The following DNAJC6 variants were observed in gnomAD, a reference collection of about 807,000 sequenced individuals.
The protein encoded by DNAJC6 is DnaJ heat shock protein family (Hsp40) member C6.
In DNAJC6, 34 loss-of-function variants were observed where a neutral mutation model predicts 110.0. The observed-to-expected ratio is 0.31, with a 90% CI of 0.24 to 0.41. The LOEUF is 0.41. DNAJC6 is among the 10% of genes least tolerant of loss of function. DNAJC6 has a pLI of 1.00. For missense variants in DNAJC6, 1,031 were observed against 1,207.8 expected (o/e 0.85, Z 2.17); for synonymous variants, 406 against 437.2 (o/e 0.93, Z 0.89).
chr1:65,366,162 C>T lies in DNAJC6; in HGVS notation c.509C>T (p.Pro170Leu), dbSNP rs1379690707. The change falls in exon 4 of 19, where the codon CCT (proline) becomes CTT (leucine). Residue 170 changes from proline to leucine, a missense_variant. Coordinates refer to ENST00000371069, the MANE Select transcript of DNAJC6 (RefSeq NM_001256864.2). ...LDHYTVYNLS[P>L]KSYRTAKFHS... ...CACTACACAGTATACAATCTGTCAC[C>T]TAAGTCTTATCGAACTGCCAAGTTT... is the stretch of plus-strand genomic sequence containing the variant. The T allele has an allele frequency of 6.2e-7, 1 of 1,613,680 alleles. No homozygotes were observed. Among genetic ancestry groups the T allele is most frequent in the African/African-American group, 1.3e-5 (1 of 75,010 alleles).
intron 1 of DNAJC6, among the ~76,000 whole-genome samples, chr1:65,314,360 GT>G (rs1645129174): frequency 6.6e-6 from 1 of 152,130 alleles, no homozygotes; most frequent in East Asian, 1.9e-4. Context: ...TGAGATACGT[GT>G]TTGGATAATT....
chr1:65,267,869 G>A (rs1437157371), intron 1 of DNAJC6, among the ~76,000 whole-genome samples: 1 of 129,914 alleles, frequency 7.7e-6, no homozygotes, highest in Non-Finnish European at 1.6e-5. Context: ...GACCAGATAA[G>A]TGTATGGTGT....
intron 1 of DNAJC6, among the ~76,000 whole-genome samples, chr1:65,355,238 C>A (rs1157932674): frequency 6.9e-6 from 1 of 145,406 alleles, no homozygotes; most frequent in Non-Finnish European, 1.5e-5. Context: ...ACTGCACAGC[C>A]TGGGCAAGAG....
intron 11 of DNAJC6, among the ~76,000 whole-genome samples, chr1:65,391,503 A>C (rs1364926266): frequency 1.3e-5 from 2 of 152,158 alleles, no homozygotes; most frequent in African/African-American, 4.8e-5. Context: ...GACCTTTCAC[A>C]GCAGAGCTCT....
At chr1:65,328,388 C>T (rs1321616083) in intron 1 of DNAJC6, among the ~76,000 whole-genome samples, 3 of 152,138 alleles carry the variant, frequency 2.0e-5, no homozygotes, top group Non-Finnish European at 4.4e-5. Flanking sequence ...AGAAACAGTA[C>T]AGAGAGATAG....
intron 1 of DNAJC6, chr1:65,264,941 C>T (rs760093244): frequency 6.2e-6 from 10 of 1,611,992 alleles, no homozygotes; most frequent in African/African-American, 1.3e-5. Flanking sequence ...AGGTAAGGGG[C>T]GGACTGCAGA....
intron 6 of DNAJC6, among the ~76,000 whole-genome samples, chr1:65,385,262 G>A (rs1363347719): frequency 6.6e-6 from 1 of 152,068 alleles, no homozygotes; most frequent in African/African-American, 2.4e-5. Flanking sequence ...GAATAAAAAA[G>A]AAAACTGTTT....
In DNAJC6 at chr1:65,370,198, T is replaced by G. The variant is rs116260652; in HGVS notation, c.543+4002T>G. Among the ~76,000 whole-genome samples, 239 of 152,298 alleles carry G rather than the reference T, an allele frequency of 1.6e-3. 1 individual carries two copies. The highest frequency in any genetic ancestry group is 5.6e-3 in the African/African-American group (233 of 41,568). ...TCCTCTGTGTATGTAGATCTATTGC[T>G]AGGCTTCAGAGAGCTTAACCATCTG... On this transcript the variant is annotated intron_variant, in intron 4 of 18. Transcript: ENST00000371069.
chr1:65,405,864 C>G lies in DNAJC6; in HGVS notation c.2228-6C>G. On this transcript the variant is annotated splice_polypyrimidine_tract_variant and splice_region_variant and intron_variant, in intron 15 of 18. Transcript: ENST00000371069. ...TTTTACCTTCTTTATCTCTTTTTTT[C>G]TTTAGGTAGTTCTTCCTTTGCCAGC... The G allele has an allele frequency of 1.3e-6, 2 of 1,580,642 alleles. No homozygotes were observed. The highest frequency in any genetic ancestry group is 1.7e-6 in the Non-Finnish European group (2 of 1,164,918).
chr1:65,386,773 G>A (rs1184229745), intron 7 of DNAJC6, 39 bp from the exon 8 acceptor site: 2 of 1,522,260 alleles, frequency 1.3e-6, no homozygotes, highest in Non-Finnish European at 1.8e-6. Context: ...GTACCAGATT[G>A]GACTCTCTTT....
intron 1 of DNAJC6, among the ~76,000 whole-genome samples, chr1:65,358,571 G>T (rs1378238073): frequency 2.6e-5 from 4 of 152,156 alleles, no homozygotes; most frequent in Admixed American, 2.0e-4. Flanking sequence ...ATTATTTTAT[G>T]TTTATTATAT....
intron 6 of DNAJC6, among the ~76,000 whole-genome samples, chr1:65,384,637 A>G (rs1390574637): frequency 1.3e-5 from 2 of 152,168 alleles, no homozygotes; most frequent in African/African-American, 2.4e-5. Flanking sequence ...TTATGAAACC[A>G]TCAGATCTCA....
At chr1:65,332,964 G>A (rs908716430) in intron 1 of DNAJC6, among the ~76,000 whole-genome samples, 1 of 152,184 alleles carries the variant, frequency 6.6e-6, no homozygotes, top group Non-Finnish European at 1.5e-5. Context: ...GAGGAGTTGA[G>A]TTGCTCTGAG....
At position 65,309,723 on chromosome 1, in the gene DNAJC6, T is replaced by C; in HGVS notation, c.-23T>C. The C allele has an allele frequency of 6.5e-7, 1 of 1,543,668 alleles. No individual in the cohort carries two copies. The highest frequency in any genetic ancestry group is 8.7e-7 in the Non-Finnish European group (1 of 1,143,764). On this transcript the variant is annotated 5_prime_UTR_variant, in exon 1 of 19. Coordinates refer to ENST00000371069, the MANE Select transcript of DNAJC6 (RefSeq NM_001256864.2). ...CTTTTCGCTTCCCAGGTTGATTATT[T>C]TCTCTTTTCTCCGGGCTTGCCCATG...
At chr1:65,302,100 A>T (rs1317274219) in intron 1 of DNAJC6, among the ~76,000 whole-genome samples, 4 of 31,804 alleles carry the variant, frequency 1.3e-4, no homozygotes, top group Non-Finnish European at 1.9e-4. Flanking sequence ...TTATATATAT[A>T]ATATATAATA....
intron 1 of DNAJC6, among the ~76,000 whole-genome samples, chr1:65,345,002 A>G (rs1379180687): frequency 1.3e-5 from 2 of 152,308 alleles, no homozygotes; most frequent in Admixed American, 1.3e-4. Flanking sequence ...CAATGCTACC[A>G]CATCCACCTC....
chr1:65,395,066 C>A, intron 13 of DNAJC6, 34 bp downstream of exon 13: 1 of 1,547,844 alleles, frequency 6.5e-7, no homozygotes, highest in Non-Finnish European at 8.7e-7. Flanking sequence ...TTCAGTGGAA[C>A]ATAGTTTTCT....
chr1:65,380,027 C>G (rs1165367569), intron 5 of DNAJC6, among the ~76,000 whole-genome samples: 1 of 152,214 alleles, frequency 6.6e-6, no homozygotes, highest in South Asian at 2.1e-4. Context: ...TTCCCTAACT[C>G]TTCTCAGAAC....
rs1036784009 is a variant in DNAJC6, at chr1:65,413,743, G to A, written c.*718G>A. Reference sequence around the variant, plus strand: ...AATCTTTATTCCTGGTTAGGAAGGTGGGCCGCTACCCTTCTTTCCCTTTAG... The same window carrying A: ...AATCTTTATTCCTGGTTAGGAAGGTAGGCCGCTACCCTTCTTTCCCTTTAG... On this transcript the variant is annotated 3_prime_UTR_variant, in exon 19 of 19. Coordinates refer to ENST00000371069, the MANE Select transcript of DNAJC6 (RefSeq NM_001256864.2). 1 of 152,126 alleles carries A rather than the reference G, an allele frequency of 6.6e-6. No homozygotes were observed. The highest frequency in any genetic ancestry group is 1.5e-5 in the Non-Finnish European group (1 of 68,032). The allele number at this position is 152,126 out of a possible 1,614,324, so 9.4% of individuals were successfully genotyped here.
Sources: allele counts gnomAD v4.1 joint callset (sites outside exome capture counted in the v4.1 genomes callset), GRCh38; gene constraint gnomAD v4.1.1; transcripts MANE v1.5; gene names NCBI Gene and HGNC (gene_info 2026-07-23, HGNC 2026-07-21).